PAPPA2: variants seen among roughly 807,000 people sequenced by gnomAD.
PAPPA2 encodes pappalysin 2, also known as pappalysin-2.
PAPPA2 carries 86 observed loss-of-function variants against 176.4 expected under a neutral mutation model. The ratio of observed to expected loss-of-function variants is 0.49; its 90% CI spans 0.41 to 0.58. The LOEUF is 0.58. Ranked by LOEUF, PAPPA2 falls within the 20% of genes least tolerant of loss-of-function variation. The probability of loss-of-function intolerance (pLI) is 0.00; values close to 1 mark genes in which losing one functional copy is unlikely to be tolerated. For synonymous variants in PAPPA2, 809 were observed against 852.2 expected, an observed-to-expected ratio of 0.95 and a Z score of 0.88; for missense variants, 2,073 against 2,256.9, an observed-to-expected ratio of 0.92 and a Z score of 1.65.
intron 4 of PAPPA2, among the ~76,000 whole-genome samples, chr1:176,674,707 T>G (rs1911231): frequency 0.12 from 18,393 of 151,878 alleles, 1,376 homozygotes; most frequent in South Asian, 0.23. Flanking sequence ...AATTGTGAAT[T>G]GTGCTGCTAT....
chr1:176,521,156 A>C lies in PAPPA2; in HGVS notation c.-916-34251A>C, dbSNP rs138208759. 5.7e-3 allele frequency among the ~76,000 whole-genome samples: 868 copies of C among 152,194 alleles called. 10 individuals are homozygous for C. Among genetic ancestry groups the C allele is most frequent in the Middle Eastern group, 0.02 (6 of 294 alleles). ...AGAGTAGGGCGGTGTAGTGGATTAA[A>C]GATAACTACAACTTTTATTTTCCTT... On this transcript the variant is annotated intron_variant, in intron 1 of 22. Transcript: ENST00000367662.
chr1:176,735,737 T>TATC (rs1662380612), intron 12 of PAPPA2, among the ~76,000 whole-genome samples: 1 of 142,730 alleles, frequency 7.0e-6, no homozygotes. Flanking sequence ...TCTATCTATC[T>TATC]ATCATCTATC....
Position 176,835,612 on chromosome 1 carries a change from C to G in PAPPA2, c.5203-4561C>G, listed in dbSNP as rs544567591. Reference sequence around the variant, plus strand: ...CTGACTCACTGCAACCTCTGCCTCCCGGGTTCAAGCGATTCTCCTGCCTCA... The same window carrying G: ...CTGACTCACTGCAACCTCTGCCTCCGGGGTTCAAGCGATTCTCCTGCCTCA... On this transcript the variant is annotated intron_variant, in intron 21 of 22. Coordinates refer to ENST00000367662, the MANE Select transcript of PAPPA2 (RefSeq NM_020318.3). Among the ~76,000 whole-genome samples, 6 of 152,268 alleles carry G rather than the reference C, an allele frequency of 3.9e-5. No homozygotes were observed. In the East Asian group the frequency reaches 5.8e-4, roughly 15 times the overall value.
Position 176,769,726 on chromosome 1 carries a change from G to A in PAPPA2, c.4443G>A (p.Glu1481=), listed in dbSNP as rs1664138643. The change falls in exon 16 of 23, where the codon GAG becomes GAA. Residue 1481 remains glutamate (E), a synonymous_variant. Coordinates refer to ENST00000367662, the MANE Select transcript of PAPPA2 (RefSeq NM_020318.3). ...ACTATGCAAACTTCTCCTGCTCAGA[G>A]GGAACCAAATTTCTGAAACGCTGCT... ...LVNYANFSCS[E]GTKFLKRCSI... The A allele has an allele frequency of 6.2e-7, 1 of 1,613,422 alleles. No individual in the cohort carries two copies. The highest frequency in any genetic ancestry group is 1.3e-5 in the African/African-American group (1 of 74,978).
rs1557907847 is a variant in PAPPA2, at chr1:176,843,086, A to G, written c.*632A>G. On this transcript the variant is annotated 3_prime_UTR_variant, in exon 23 of 23. Coordinates refer to ENST00000367662, the MANE Select transcript of PAPPA2 (RefSeq NM_020318.3). ...CCACACATGCTGCTGTGAAGTTCAC[A>G]TTCAAGATGAATGTTGAGACTTTGA... 1.3e-5 allele frequency: 2 copies of G among 152,006 alleles called. No homozygotes were observed. The highest frequency in any genetic ancestry group is 1.3e-4 in the Admixed American group (2 of 15,234). The allele number at this position is 152,006 out of a possible 1,614,324, so 9.4% of individuals were successfully genotyped here. A position where few individuals can be genotyped will look rare whatever the true frequency, so the allele number is the denominator to read the frequency against.
chr1:176,624,447 T>C (rs1308429856), intron 3 of PAPPA2, among the ~76,000 whole-genome samples: 3 of 152,220 alleles, frequency 2.0e-5, no homozygotes, highest in Non-Finnish European at 4.4e-5. Context: ...GATAGCATCA[T>C]TGTTTTAGTG....
At chr1:176,749,936 A>G (rs188924274) in intron 14 of PAPPA2, among the ~76,000 whole-genome samples, 50 of 152,338 alleles carry the variant, frequency 3.3e-4, no homozygotes, top group African/African-American at 1.1e-3. Flanking sequence ...TGCTATAAAT[A>G]TCCACATGCA....
At chr1:176,491,413 A>C (rs1043430095) in intron 1 of PAPPA2, among the ~76,000 whole-genome samples, 1 of 152,132 alleles carries the variant, frequency 6.6e-6, no homozygotes, top group Non-Finnish European at 1.5e-5. Flanking sequence ...ATAAGCATGG[A>C]GTTAGAGGAG....
At chr1:176,513,600 G>T (rs560886676) in intron 1 of PAPPA2, among the ~76,000 whole-genome samples, 2 of 152,260 alleles carry the variant, frequency 1.3e-5, no homozygotes, top group Non-Finnish European at 2.9e-5. Flanking sequence ...TGAACCAGTT[G>T]TGTTATCTTG....
chr1:176,828,262 A>G (rs1666933496), intron 21 of PAPPA2, among the ~76,000 whole-genome samples: 1 of 152,166 alleles, frequency 6.6e-6, no homozygotes, highest in Admixed American at 6.5e-5. Flanking sequence ...GCCCAATAAC[A>G]GAGCTATTGC....
At chr1:176,820,562 C>T (rs182380666) in intron 21 of PAPPA2, among the ~76,000 whole-genome samples, 46 of 152,260 alleles carry the variant, frequency 3.0e-4, no homozygotes, top group Admixed American at 2.6e-4. Context: ...GGATCCTCAT[C>T]GAGAACAGAT....
At chr1:176,505,169 T>A (rs1648187369) in intron 1 of PAPPA2, among the ~76,000 whole-genome samples, 2 of 152,116 alleles carry the variant, frequency 1.3e-5, no homozygotes, top group Admixed American at 1.3e-4. Flanking sequence ...CGTTAATAAA[T>A]AACATAACCC....
chr1:176,773,652 T>C (rs1278698756), intron 17 of PAPPA2, among the ~76,000 whole-genome samples: 1 of 152,208 alleles, frequency 6.6e-6, no homozygotes, highest in African/African-American at 2.4e-5. Context: ...ACAATGTTGT[T>C]TTGAGGCTGA....
At chr1:176,601,742 T>G (rs1446693081) in intron 3 of PAPPA2, among the ~76,000 whole-genome samples, 1 of 152,228 alleles carries the variant, frequency 6.6e-6, no homozygotes, top group Non-Finnish European at 1.5e-5. Flanking sequence ...TGGTACATAC[T>G]AGGGAGCTCA....
chr1:176,595,715 C>A, intron 3 of PAPPA2, 120 bp downstream of exon 3: 1 of 963,320 alleles, frequency 1.0e-6, no homozygotes, highest in Non-Finnish European at 1.5e-6. Flanking sequence ...TAATCCACCC[C>A]ATCAGACAGT....
intron 4 of PAPPA2, among the ~76,000 whole-genome samples, chr1:176,672,886 G>A (rs1266403563): frequency 6.6e-6 from 1 of 152,152 alleles, no homozygotes; most frequent in East Asian, 1.9e-4. Context: ...AGAAATTTGT[G>A]ATGTTAGTGG....
At chr1:176,515,582 G>T (rs550884022) in intron 1 of PAPPA2, among the ~76,000 whole-genome samples, 27 of 152,278 alleles carry the variant, frequency 1.8e-4, no homozygotes, top group African/African-American at 6.5e-4. Context: ...CAAACTACAT[G>T]TACCTGTTGC....
intron 3 of PAPPA2, among the ~76,000 whole-genome samples, chr1:176,634,193 CAA>C (rs1284912560): frequency 6.6e-6 from 1 of 152,144 alleles, no homozygotes; most frequent in Non-Finnish European, 1.5e-5. Context: ...GGAACCAACC[CAA>C]ATGCCCAAAA....
intron 14 of PAPPA2, among the ~76,000 whole-genome samples, chr1:176,762,916 C>T (rs942347839): frequency 2.0e-5 from 3 of 152,030 alleles, no homozygotes; most frequent in Admixed American, 2.0e-4. Flanking sequence ...TTCTTCACAC[C>T]GATCACCTCC....
Sources: allele counts gnomAD v4.1 joint callset (sites outside exome capture counted in the v4.1 genomes callset), GRCh38; gene constraint gnomAD v4.1.1; transcripts MANE v1.5; gene names NCBI Gene and HGNC (gene_info 2026-07-23, HGNC 2026-07-21).